Variants in CNTNAP2 observed in about 807,000 individuals in gnomAD.
CNTNAP2 encodes contactin-associated protein-like 2.
Under a neutral mutation model 155.2 loss-of-function variants are expected in CNTNAP2, and 98 were observed. That is an observed-to-expected ratio of 0.63 (90% CI 0.54 to 0.75). The LOEUF (loss-of-function observed/expected upper bound fraction) is 0.75. Among genes scored for constraint, CNTNAP2 ranks in the 30% least tolerant of loss-of-function variants. The pLI is 0.00. For missense variants in CNTNAP2, 1,727 were observed against 1,688.1 expected (o/e 1.02, Z -0.40); for synonymous variants, 651 against 631.2 (o/e 1.03, Z -0.47).
At chr7:146,485,502 AGATGGGTCTG>A (rs909737359) in intron 1 of CNTNAP2, among the ~76,000 whole-genome samples, 1 of 152,240 alleles carries the variant, frequency 6.6e-6, no homozygotes, top group Non-Finnish European at 1.5e-5. Context: ...GATTTGACCC[AGATGGGTCTG>A]ATTTCTGAAC....
At chr7:147,468,279 C>G (rs929178590) in intron 10 of CNTNAP2, among the ~76,000 whole-genome samples, 4 of 151,530 alleles carry the variant, frequency 2.6e-5, no homozygotes, top group African/African-American at 9.7e-5. Flanking sequence ...GACCCTGTCT[C>G]AAAAAAAAGA....
intron 8 of CNTNAP2, among the ~76,000 whole-genome samples, chr7:147,223,718 G>A (rs753584924): frequency 7.9e-5 from 12 of 152,026 alleles, no homozygotes; most frequent in Admixed American, 2.0e-4. Flanking sequence ...CGAGGCAGGC[G>A]GATCATGAGG....
At chr7:148,100,831 G>A (rs1038673701) in intron 15 of CNTNAP2, among the ~76,000 whole-genome samples, 2 of 152,106 alleles carry the variant, frequency 1.3e-5, no homozygotes, top group South Asian at 2.1e-4. Flanking sequence ...ACATGCACAC[G>A]TATGTTTATA....
intron 10 of CNTNAP2, among the ~76,000 whole-genome samples, chr7:147,405,034 A>G (rs576440088): frequency 1.8e-4 from 28 of 152,332 alleles, no homozygotes; most frequent in Non-Finnish European, 2.9e-4. Flanking sequence ...CATTGCATGT[A>G]TTAGGACAAA....
chr7:147,138,832 T>C (rs529984418), intron 8 of CNTNAP2, among the ~76,000 whole-genome samples: 2 of 152,154 alleles, frequency 1.3e-5, no homozygotes, highest in African/African-American at 4.8e-5. Flanking sequence ...GTTGTGTGTA[T>C]GTGTGTATAA....
chr7:147,950,771 T>C lies in CNTNAP2; in HGVS notation c.2256-27091T>C, dbSNP rs565471638. ...GCACTTTGACCTTCCTTTTTCTTCC[T>C]AAAAGCAGGAGATAAATCTCCAGGG... On this transcript the variant is annotated intron_variant, in intron 14 of 23. Transcript: ENST00000361727. Among the ~76,000 whole-genome samples, 20 of 152,346 alleles carry C rather than the reference T, an allele frequency of 1.3e-4. No individual in the cohort carries two copies. The South Asian group carries it at 2.7e-3, about 20-fold the overall frequency.
intron 21 of CNTNAP2, among the ~76,000 whole-genome samples, chr7:148,360,344 G>A (rs1045238957): frequency 2.6e-5 from 4 of 152,180 alleles, no homozygotes; most frequent in African/African-American, 9.7e-5. Flanking sequence ...AAGAGAACAG[G>A]CATGAAGAAA....
intron 1 of CNTNAP2, among the ~76,000 whole-genome samples, chr7:146,538,248 G>T (rs960856382): frequency 4.6e-5 from 7 of 152,160 alleles, no homozygotes; most frequent in African/African-American, 1.7e-4. Flanking sequence ...AATTTATGTG[G>T]CCATGACAAA....
At chr7:146,393,835 T>C (rs944124310) in intron 1 of CNTNAP2, among the ~76,000 whole-genome samples, 2 of 152,132 alleles carry the variant, frequency 1.3e-5, no homozygotes, top group African/African-American at 4.8e-5. Context: ...CATTTAAAGA[T>C]AGGGTAATTT....
At chr7:146,206,433 A>G (rs1798947796) in intron 1 of CNTNAP2, among the ~76,000 whole-genome samples, 1 of 151,926 alleles carries the variant, frequency 6.6e-6, no homozygotes, top group South Asian at 2.1e-4. Flanking sequence ...GGATGCTGTT[A>G]GGACACAGTA....
rs561317219 is a variant in CNTNAP2, at chr7:146,834,588, C to T, written c.209-5123C>T. Reference sequence around the variant, plus strand: ...TGAAGAAACAGCATTCTTATTGTTTCGAGACTAGCAAGAGTTCCATAACAA... The same window carrying T: ...TGAAGAAACAGCATTCTTATTGTTTTGAGACTAGCAAGAGTTCCATAACAA... On this transcript the variant is annotated intron_variant, in intron 2 of 23. Transcript: ENST00000361727. Among the ~76,000 whole-genome samples, 46 of 152,156 alleles carry T rather than the reference C, an allele frequency of 3.0e-4. 1 individual carries two copies. The South Asian group carries it at 7.5e-3, about 25-fold the overall frequency.
intron 11 of CNTNAP2, among the ~76,000 whole-genome samples, chr7:147,530,440 AG>A (rs1232227515): frequency 6.6e-5 from 10 of 152,130 alleles, no homozygotes; most frequent in African/African-American, 2.4e-4. Context: ...AGGCTCCCAA[AG>A]TGCTGGGATT....
At chr7:148,104,032 AC>A (rs980087993) in intron 15 of CNTNAP2, among the ~76,000 whole-genome samples, 1 of 152,154 alleles carries the variant, frequency 6.6e-6, no homozygotes, top group Middle Eastern at 3.2e-3. Context: ...ATCATCACAA[AC>A]CCTGTGAAGA....
At chr7:147,166,844 A>T in intron 8 of CNTNAP2, among the ~76,000 whole-genome samples, 1 of 152,118 alleles carries the variant, frequency 6.6e-6, no homozygotes, top group East Asian at 1.9e-4. Context: ...TAAGACAGGA[A>T]CGGCCATCTG....
chr7:147,676,691 C>T (rs775863163), intron 13 of CNTNAP2, among the ~76,000 whole-genome samples: 1 of 151,938 alleles, frequency 6.6e-6, no homozygotes, highest in Non-Finnish European at 1.5e-5. Context: ...CTGGTAACTA[C>T]CATTCTATTC....
chr7:148,063,977 T>C (rs1325379564), intron 15 of CNTNAP2, among the ~76,000 whole-genome samples: 1 of 152,166 alleles, frequency 6.6e-6, no homozygotes, highest in African/African-American at 2.4e-5. Flanking sequence ...CACCATTTGT[T>C]GAAAAGGGTG....
At chr7:147,908,645 A>G (rs909942689) in intron 14 of CNTNAP2, among the ~76,000 whole-genome samples, 24 of 152,244 alleles carry the variant, frequency 1.6e-4, no homozygotes, top group African/African-American at 5.8e-4. Flanking sequence ...CTCCAAACAC[A>G]GAGAAGGGCT....
At chr7:148,281,429 A>G (rs1354030213) in intron 21 of CNTNAP2, among the ~76,000 whole-genome samples, 2 of 152,236 alleles carry the variant, frequency 1.3e-5, no homozygotes, top group African/African-American at 4.8e-5. Context: ...GCGTTTTACT[A>G]TAAGGACAGA....
At position 146,140,771 on chromosome 7, in the gene CNTNAP2, C is replaced by T. The variant is rs570909632; in HGVS notation, c.97+23798C>T. Among the ~76,000 whole-genome samples the T allele has an allele frequency of 2.2e-4, 34 of 152,170 alleles. No homozygotes were observed. In the South Asian group the frequency reaches 6.2e-3, roughly 28 times the overall value. On this transcript the variant is annotated intron_variant, in intron 1 of 23. Transcript: ENST00000361727. ...GAAAGAAAAAGAATCAGTGATTTTT[C>T]TCTTCCCTCTAAGGAAGAGATTTTC...
Sources: gnomAD v4.1 joint callset for allele counts (sites outside exome capture counted in the v4.1 genomes callset) on GRCh38, gnomAD v4.1.1 for gene constraint, MANE v1.5 for transcripts, NCBI Gene and HGNC (gene_info 2026-07-23, HGNC 2026-07-21) for gene names.